The following TUT4 variants were observed in gnomAD, a reference collection of about 807,000 sequenced individuals.
TUT4 encodes the protein terminal uridylyltransferase 4.
Under a neutral mutation model 192.2 loss-of-function variants are expected in TUT4, and 36 were observed. The observed-to-expected ratio is 0.19, with a 90% CI of 0.14 to 0.25. The LOEUF (loss-of-function observed/expected upper bound fraction) is 0.25, where lower values mean the gene tolerates loss of function less well. Ranked by LOEUF, TUT4 falls within the 10% of genes least tolerant of loss-of-function variation. The pLI is 1.00. For missense variants in TUT4, 1,493 were observed against 1,957.2 expected (o/e 0.76, Z 4.47); for synonymous variants, 618 against 666.0 (o/e 0.93, Z 1.11).
At chr1:52,543,173 A>G (rs1414030305) in intron 1 of TUT4, among the ~76,000 whole-genome samples, 9 of 152,236 alleles carry the variant, frequency 5.9e-5, no homozygotes. Context: ...GTTTGCAAAT[A>G]ATATGATTTT....
At chr1:52,466,574 G>A (rs1484201684) in intron 15 of TUT4, among the ~76,000 whole-genome samples, 3 of 150,034 alleles carry the variant, frequency 2.0e-5, no homozygotes, top group African/African-American at 4.9e-5. Flanking sequence ...AGAGGTCAAG[G>A]CTGAAGTGAA....
intron 29 of TUT4, chr1:52,425,142 A>G (rs1312310479): frequency 2.2e-6 from 1 of 454,860 alleles, no homozygotes; most frequent in East Asian, 3.6e-5. Flanking sequence ...TCTATTTAAC[A>G]TGTCTGGCTT....
At chr1:52,489,381 A>G (rs1670585149) in intron 8 of TUT4, among the ~76,000 whole-genome samples, 1 of 152,214 alleles carries the variant, frequency 6.6e-6, no homozygotes, top group Non-Finnish European at 1.5e-5. Flanking sequence ...TGATCTCTTC[A>G]ATGTCAAATA....
intron 25 of TUT4, among the ~76,000 whole-genome samples, chr1:52,437,879 T>C (rs189766386): frequency 1.2e-4 from 18 of 151,846 alleles, no homozygotes; most frequent in African/African-American, 4.1e-4. Flanking sequence ...CACTTGAAAC[T>C]GGGAGGCGGA....
chr1:52,431,675 C>T, intron 27 of TUT4: 1 of 353,200 alleles, frequency 2.8e-6, no homozygotes. Flanking sequence ...AGAGCCCAGA[C>T]ATGGTTCCCA....
chr1:52,538,741 CCTTA>C (rs1256503227), intron 1 of TUT4: 2 of 151,068 alleles, frequency 1.3e-5, no homozygotes, highest in Admixed American at 6.6e-5. Context: ...TCATATCTTT[CCTTA>C]CTAATATTAC....
rs373325995 is a variant in TUT4 at position 52,471,931 on chromosome 1, T to C, written c.2878+21A>G. The C allele has an allele frequency of 3.9e-5, 62 of 1,601,636 alleles. No homozygotes were observed. The African/African-American group carries it at 4.0e-4, about 10-fold the overall frequency. ...CTAAGAAGGAATCTAGTCCCAATAGTTGTAGTAATGAAAGACTTACCAAAA... is the reference window on the plus strand; with the variant it reads ...CTAAGAAGGAATCTAGTCCCAATAGCTGTAGTAATGAAAGACTTACCAAAA... On this transcript the variant is annotated intron_variant, in intron 14 of 29. Transcript: ENST00000257177.
chr1:52,478,877 C>T (rs1429879884), intron 11 of TUT4, among the ~76,000 whole-genome samples: 1 of 152,128 alleles, frequency 6.6e-6, no homozygotes, highest in Non-Finnish European at 1.5e-5. Flanking sequence ...ACTCGGGATA[C>T]ATCTTTGAGG....
chr1:52,526,003 T>C lies in TUT4; in HGVS notation c.278A>G (p.Gln93Arg). ...AAATTTTTTTGCTTTGCAATGACTT[T>C]GATCTCGAAGGACTAACCCCAAATC... Reference protein sequence around the residue: ...PKDLGLVLRDQSHCKAKKFPN... With the variant: ...PKDLGLVLRDRSHCKAKKFPN... Residue 93 changes from glutamine to arginine, a missense_variant, in exon 2 of 30, where the codon CAA becomes CGA. Physicochemically the swap from Gln to Arg is conservative, Grantham distance 43. This residue lies in a region of TUT4 where 260 missense variants were observed against 247.8 expected (regional missense o/e 1.05). Transcript: ENST00000257177. 3 of 1,614,208 alleles carry C rather than the reference T, an allele frequency of 1.9e-6. No homozygotes were observed. The highest frequency in any genetic ancestry group is 2.5e-6 in the Non-Finnish European group (3 of 1,180,030).
Position 52,525,603 on chromosome 1 carries a change from A to G in TUT4, c.678T>C (p.Asp226=). 6 of 1,612,610 alleles carry G rather than the reference A, an allele frequency of 3.7e-6. No homozygotes were observed. Among genetic ancestry groups the G allele is most frequent in the Non-Finnish European group, 5.1e-6 (6 of 1,179,556 alleles). The change falls in exon 2 of 30, where the codon GAT becomes GAC. Residue 226 remains aspartate, a synonymous_variant. Transcript: ENST00000257177. The part of the protein sequence containing the change: ...QTCTDNTGDS[D]DSASGIEDVS... ...CGTCTTCAATTCCTGAAGCACTATCATCAGAATCACCAGTATTATCTGTAC... is the reference window on the plus strand; with the variant it reads ...CGTCTTCAATTCCTGAAGCACTATCGTCAGAATCACCAGTATTATCTGTAC...
intron 1 of TUT4, among the ~76,000 whole-genome samples, chr1:52,551,117 C>T (rs1689320161): frequency 6.6e-6 from 1 of 152,122 alleles, no homozygotes; most frequent in African/African-American, 2.4e-5. Flanking sequence ...GTTCTAGCTC[C>T]AGCAACTAAA....
chr1:52,430,964 C>T, intron 28 of TUT4, 49 bp downstream of exon 28: 2 of 1,510,196 alleles, frequency 1.3e-6, no homozygotes, highest in East Asian at 2.3e-5. Context: ...CAGACAGATA[C>T]AAAAGAAGAA....
At chr1:52,495,570 T>C in intron 5 of TUT4, 55 bp from the exon 6 acceptor site, 1 of 1,373,426 alleles carries the variant, frequency 7.3e-7, no homozygotes, top group Middle Eastern at 1.8e-4. Context: ...ATGAGAGATG[T>C]AAAAAAACAG....
intron 20 of TUT4, among the ~76,000 whole-genome samples, chr1:52,453,917 A>G (rs1660139691): frequency 6.6e-6 from 1 of 152,240 alleles, no homozygotes; most frequent in Admixed American, 6.5e-5. Context: ...AAATTCAAAC[A>G]CTTTCCCAGA....
intron 7 of TUT4, among the ~76,000 whole-genome samples, chr1:52,492,230 G>A (rs1054845120): frequency 6.6e-6 from 1 of 151,942 alleles, no homozygotes; most frequent in Non-Finnish European, 1.5e-5. Flanking sequence ...CTCATTCCTA[G>A]AAAACTATTT....
chr1:52,452,541 C>T (rs1210066069), intron 20 of TUT4, among the ~76,000 whole-genome samples: 3 of 152,018 alleles, frequency 2.0e-5, no homozygotes, highest in Non-Finnish European at 1.5e-5. Context: ...TCACCAATGG[C>T]GAACAGCTTG....
chr1:52,520,477 C>A (rs998883294), intron 2 of TUT4, among the ~76,000 whole-genome samples: 1 of 152,162 alleles, frequency 6.6e-6, no homozygotes, highest in African/African-American at 2.4e-5. Context: ...TATTAGAAAT[C>A]CAATTTATCA....
Position 52,474,975 on chromosome 1 carries a change from G to A in TUT4, c.2584C>T (p.His862Tyr), listed in dbSNP as rs1005654683. 1 of 1,614,184 alleles carries A rather than the reference G, an allele frequency of 6.2e-7. No individual in the cohort carries two copies. The highest frequency in any genetic ancestry group is 1.3e-5 in the African/African-American group (1 of 75,050). ...GATGTGTCGGTGCACACACTCTGAT[G>A]TGAACTCTCTGTTTCTAAATTTGAC... ...CRSNLETESS[H>Y]QSVCTDTSAT... Residue 862 changes from histidine (H) to tyrosine (Y), a missense_variant, in exon 13 of 30, where the codon CAT becomes TAT. His to Tyr is a moderately conservative substitution (Grantham distance 83). Transcript: ENST00000257177.
chr1:52,519,187 G>A (rs543218758), intron 2 of TUT4, among the ~76,000 whole-genome samples: 5 of 151,926 alleles, frequency 3.3e-5, no homozygotes, highest in Admixed American at 6.6e-5. Flanking sequence ...AATACTATTC[G>A]GCAATAAAAG....
Sources: allele counts gnomAD v4.1 joint callset (sites outside exome capture counted in the v4.1 genomes callset), GRCh38; gene constraint gnomAD v4.1.1; regional missense constraint gnomAD v4.1.1; transcripts MANE v1.5; gene names NCBI Gene and HGNC (gene_info 2026-07-23, HGNC 2026-07-21).